GAB2: variants seen among roughly 807,000 people sequenced by gnomAD.
The protein encoded by GAB2 is GRB2-associated-binding protein 2.
GAB2 carries 26 observed loss-of-function variants against 65.5 expected under a neutral mutation model. That is an observed-to-expected ratio of 0.40 (90% CI 0.29 to 0.55). The LOEUF is 0.55. GAB2 is among the 20% of genes least tolerant of loss of function. The probability of loss-of-function intolerance (pLI) is 0.53; values close to 1 mark genes in which losing one functional copy is unlikely to be tolerated. For synonymous variants in GAB2, 321 were observed against 329.6 expected (o/e 0.97, Z 0.28); for missense variants, 884 against 875.8 (o/e 1.01, Z -0.12).
At chr11:78,320,870 C>T (rs1165489125) in intron 1 of GAB2, among the ~76,000 whole-genome samples, 1 of 151,908 alleles carries the variant, frequency 6.6e-6, no homozygotes, top group Non-Finnish European at 1.5e-5. Flanking sequence ...TGTGCCCAGT[C>T]TCAACTGGGA....
At chr11:78,352,212 T>TCAAA (rs1231590284) in intron 1 of GAB2, among the ~76,000 whole-genome samples, 1 of 152,150 alleles carries the variant, frequency 6.6e-6, no homozygotes, top group Non-Finnish European at 1.5e-5. Flanking sequence ...AGACTCCGTC[T>TCAAA]CAAACAAACA....
At chr11:78,316,083 T>C (rs1855597652) in intron 1 of GAB2, among the ~76,000 whole-genome samples, 1 of 152,162 alleles carries the variant, frequency 6.6e-6, no homozygotes, top group South Asian at 2.1e-4. Context: ...CCTCCTGCCC[T>C]TGGACATCAG....
intron 6 of GAB2, among the ~76,000 whole-genome samples, chr11:78,222,742 T>C (rs1011519644): frequency 6.6e-6 from 1 of 151,782 alleles, no homozygotes; most frequent in Non-Finnish European, 1.5e-5. Context: ...GCCACCACGC[T>C]TAGCTAATTT....
intron 1 of GAB2, among the ~76,000 whole-genome samples, chr11:78,296,931 T>C (rs938861676): frequency 3.9e-5 from 6 of 152,222 alleles, no homozygotes; most frequent in African/African-American, 1.2e-4. Context: ...GCCCTCAAGC[T>C]GCTTTTGTAA....
At chr11:78,346,207 C>T (rs964345811) in intron 1 of GAB2, among the ~76,000 whole-genome samples, 2 of 152,050 alleles carry the variant, frequency 1.3e-5, no homozygotes, top group South Asian at 2.1e-4. Context: ...TCAAACTGCC[C>T]GGATTAGCCA....
intron 1 of GAB2, among the ~76,000 whole-genome samples, chr11:78,346,133 A>G (rs954423730): frequency 6.6e-6 from 1 of 152,224 alleles, no homozygotes; most frequent in Non-Finnish European, 1.5e-5. Context: ...AAAATTAAAA[A>G]TAACTTTAAA....
At chr11:78,228,848 C>T (rs1052082673) in intron 3 of GAB2, among the ~76,000 whole-genome samples, 1 of 152,000 alleles carries the variant, frequency 6.6e-6, no homozygotes, top group Non-Finnish European at 1.5e-5. Flanking sequence ...GCGGGGGGAG[C>T]GAATGGTAGA....
At chr11:78,402,236 G>C (rs183225123) in intron 1 of GAB2, among the ~76,000 whole-genome samples, 4 of 151,992 alleles carry the variant, frequency 2.6e-5, no homozygotes, top group African/African-American at 7.2e-5. Context: ...CCCTCTACCT[G>C]AAAAACCTTC....
chr11:78,388,836 G>C (rs963593202), intron 1 of GAB2, among the ~76,000 whole-genome samples: 3 of 152,160 alleles, frequency 2.0e-5, no homozygotes, highest in African/African-American at 7.2e-5. Flanking sequence ...AAGAGACTGA[G>C]AACTAGAGCG....
At chr11:78,253,004 C>CTTTTTTTTTTTT (rs984989129) in intron 2 of GAB2, among the ~76,000 whole-genome samples, 3 of 106,946 alleles carry the variant, frequency 2.8e-5, no homozygotes, top group Non-Finnish European at 5.2e-5. Flanking sequence ...AATATCTTTC[C>CTTTTTTTTTTTT]TTTTTTTTTT....
At position 78,300,695 on chromosome 11, in the gene GAB2, G is replaced by GTTT. The variant is rs769243672; in HGVS notation, c.76-19797_76-19795dup. On this transcript the variant is annotated intron_variant, in intron 1 of 9. Transcript: ENST00000361507. ...TGGTTTTTTTTTTTGGTTTTTTTTT[G>GTTT]TTTTTTTTTTTTTTTTTGAGACAGA... Among the ~76,000 whole-genome samples the GTTT allele has an allele frequency of 7.8e-3, 888 of 113,220 alleles. 25 individuals are homozygous for GTTT. The highest frequency in any genetic ancestry group is 0.025 in the South Asian group (77 of 3,134). 74.3% of individuals were successfully genotyped at this position (113,220 alleles called of 152,430 possible). A position where few individuals can be genotyped will look rare whatever the true frequency, so the allele number is the denominator to read the frequency against.
At chr11:78,378,989 C>T (rs1043708802) in intron 1 of GAB2, among the ~76,000 whole-genome samples, 3 of 152,156 alleles carry the variant, frequency 2.0e-5, no homozygotes, top group Non-Finnish European at 4.4e-5. Context: ...TCCCCAGAAT[C>T]ACACAGATGT....
intron 1 of GAB2, among the ~76,000 whole-genome samples, chr11:78,282,467 C>T (rs1340542220): frequency 6.6e-6 from 1 of 152,024 alleles, no homozygotes; most frequent in African/African-American, 2.4e-5. Flanking sequence ...CACCACCACA[C>T]CCGGCTAATT....
At chr11:78,395,807 C>T (rs1856888559) in intron 1 of GAB2, among the ~76,000 whole-genome samples, 1 of 152,130 alleles carries the variant, frequency 6.6e-6, no homozygotes, top group Non-Finnish European at 1.5e-5. Flanking sequence ...AGAAACTTGC[C>T]CACACCCACA....
At chr11:78,375,525 G>C (rs1351911285) in intron 1 of GAB2, among the ~76,000 whole-genome samples, 2 of 152,142 alleles carry the variant, frequency 1.3e-5, no homozygotes, top group Non-Finnish European at 2.9e-5. Context: ...ATTAGAGACA[G>C]ATACATCAAC....
At chr11:78,357,167 A>C (rs1181987156) in intron 1 of GAB2, among the ~76,000 whole-genome samples, 1 of 152,212 alleles carries the variant, frequency 6.6e-6, no homozygotes, top group African/African-American at 2.4e-5. Context: ...TGTTTCATTC[A>C]CCACAATAAA....
chr11:78,238,644 T>A (rs1004983847), intron 3 of GAB2, among the ~76,000 whole-genome samples: 1 of 150,416 alleles, frequency 6.6e-6, no homozygotes, highest in Non-Finnish European at 1.5e-5. Flanking sequence ...TCAAAATGGA[T>A]CAAAGACCTA....
intron 1 of GAB2, among the ~76,000 whole-genome samples, chr11:78,346,652 G>A (rs756374443): frequency 4.2e-5 from 5 of 120,430 alleles, no homozygotes; most frequent in African/African-American, 6.4e-5. Context: ...AGAGGTATGG[G>A]CTGTTCTGTT....
At chr11:78,340,264 T>A (rs1856069889) in intron 1 of GAB2, among the ~76,000 whole-genome samples, 1 of 152,220 alleles carries the variant, frequency 6.6e-6, no homozygotes, top group Non-Finnish European at 1.5e-5. Flanking sequence ...TAGCTCTCAC[T>A]GAATAAAGAG....
Sources: gnomAD v4.1 joint callset for allele counts (sites outside exome capture counted in the v4.1 genomes callset) on GRCh38, gnomAD v4.1.1 for gene constraint, MANE v1.5 for transcripts, NCBI Gene and HGNC (gene_info 2026-07-23, HGNC 2026-07-21) for gene names.